Variants in ZNF425 observed in about 807,000 individuals in gnomAD.
ZNF425 encodes zinc finger protein 425.
Under a neutral mutation model 17.0 loss-of-function variants are expected in ZNF425, and 21 were observed. That is an observed-to-expected ratio of 1.23 (90% CI 0.88 to 1.78). The LOEUF is 1.78. ZNF425 is among the 40% of genes most tolerant of loss of function. The pLI is 0.00. For synonymous variants in ZNF425, 433 were observed against 384.1 expected (o/e 1.13, Z -1.49); for missense variants, 868 against 967.3 (o/e 0.90, Z 1.36).
intron 3 of ZNF425, among the ~76,000 whole-genome samples, chr7:149,109,387 T>C (rs1034879564): frequency 6.6e-6 from 1 of 152,164 alleles, no homozygotes; most frequent in African/African-American, 2.4e-5. Context: ...TAGTCTTCTC[T>C]GTTTTCTAAA....
chr7:149,117,845 C>A (rs1207504920), intron 2 of ZNF425, among the ~76,000 whole-genome samples: 1 of 151,642 alleles, frequency 6.6e-6, no homozygotes, highest in Admixed American at 6.6e-5. Flanking sequence ...AGAGACAGGG[C>A]TTCTCCATGT....
At position 149,124,155 on chromosome 7, in the gene ZNF425, CTATT is replaced by C. The variant is rs745503873; in HGVS notation, c.18+2037_18+2040del. On this transcript the variant is annotated intron_variant, in intron 1 of 3. Coordinates refer to ENST00000378061, the MANE Select transcript of ZNF425 (RefSeq NM_001001661.3). ...AGCTACCACGCCTGGCCTGGCCTTG[CTATT>C]TATTTATTTATTTTTGAGATGGAGT... Among the ~76,000 whole-genome samples, 98 of 139,266 alleles carry C rather than the reference CTATT, an allele frequency of 7.0e-4. No individual in the cohort carries two copies. The Middle Eastern group carries it at 0.013, about 19-fold the overall frequency. The allele number at this position is 139,266 out of a possible 152,430, so 91.4% of individuals were successfully genotyped here. A position where few individuals can be genotyped will look rare whatever the true frequency, so the allele number is the denominator to read the frequency against.
chr7:149,125,089 A>G (rs1826436587), intron 1 of ZNF425, among the ~76,000 whole-genome samples: 1 of 152,220 alleles, frequency 6.6e-6, no homozygotes, highest in Non-Finnish European at 1.5e-5. Context: ...AGAGAAAAAA[A>G]GAAAGCCTGG....
intron 1 of ZNF425, 94 bp from the exon 2 acceptor site, chr7:149,118,442 T>C (rs995975608): frequency 2.1e-6 from 3 of 1,420,938 alleles, no homozygotes; most frequent in African/African-American, 2.8e-5. Flanking sequence ...AAAGAAAACA[T>C]GTTAATTATT....
chr7:149,123,841 CTTT>C (rs11301508), intron 1 of ZNF425, among the ~76,000 whole-genome samples: 6 of 128,152 alleles, frequency 4.7e-5, no homozygotes, highest in African/African-American at 1.4e-4. Context: ...CTTGCTTTTT[CTTT>C]TTTTTTTTTT....
chr7:149,125,190 C>A (rs1478243464), intron 1 of ZNF425, among the ~76,000 whole-genome samples: 1 of 152,160 alleles, frequency 6.6e-6, no homozygotes, highest in Non-Finnish European at 1.5e-5. Context: ...AGGGAAGAAT[C>A]AAATGCAAAT....
At chr7:149,115,414 G>A (rs906569598) in intron 2 of ZNF425, among the ~76,000 whole-genome samples, 1 of 151,786 alleles carries the variant, frequency 6.6e-6, no homozygotes, top group Non-Finnish European at 1.5e-5. Flanking sequence ...AGTACTTTGG[G>A]AGGCTGAGGC....
rs202083188 is a variant in ZNF425, at chr7:149,104,413, G to A, written c.1458C>T (p.Ala486=). The change falls in exon 4 of 4, where the codon GCC becomes GCT. Residue 486 remains alanine (A), a synonymous_variant. Transcript: ENST00000378061. The surrounding 1 kb of genome is among the most constrained non-coding windows in gnomAD (Gnocchi z 4.3). ...GCCTGTCGTGGACTCTGGTGTGGCAGGCGAGCTTGGAAGGCCGCGTGAAGC... is the reference window on the plus strand; with the variant it reads ...GCCTGTCGTGGACTCTGGTGTGGCAAGCGAGCTTGGAAGGCCGCGTGAAGC... The part of the protein sequence containing the change: ...GKRFTRPSKL[A]CHTRVHDRQK... 45 of 1,603,668 alleles carry A rather than the reference G, an allele frequency of 2.8e-5. 1 individual carries two copies. In the South Asian group the frequency reaches 4.2e-4, roughly 15 times the overall value.
chr7:149,126,297 G>T lies in ZNF425; in HGVS notation c.-84C>A. ...CCAACTCCCAGGTACAGCCCTGCTG[G>T]CCCCCAAAGGCAGAGCCGGCCGGGC... On this transcript the variant is annotated 5_prime_UTR_variant, in exon 1 of 4. Transcript: ENST00000378061. The T allele has an allele frequency of 1.3e-6, 2 of 1,526,036 alleles. No individual in the cohort carries two copies. The highest frequency in any genetic ancestry group is 1.2e-5 in the South Asian group (1 of 82,034). The allele number at this position is 1,526,036 out of a possible 1,614,324, so 94.5% of individuals were successfully genotyped here. A position where few individuals can be genotyped will look rare whatever the true frequency, so the allele number is the denominator to read the frequency against.
In ZNF425 at chr7:149,108,922, C is replaced by T. The variant is rs184961097; in HGVS notation, c.304+3215G>A. Reference sequence around the variant, plus strand: ...AAAATAAAAATCTTCCCAAGCTCCTCCCATTCTATAGGATGAAGTCAAACT... The same window carrying T: ...AAAATAAAAATCTTCCCAAGCTCCTTCCATTCTATAGGATGAAGTCAAACT... On this transcript the variant is annotated intron_variant, in intron 3 of 3. Coordinates refer to ENST00000378061, the MANE Select transcript of ZNF425 (RefSeq NM_001001661.3). 2.4e-3 allele frequency among the ~76,000 whole-genome samples: 365 copies of T among 152,108 alleles called. 2 individuals carry two copies. Among genetic ancestry groups the T allele is most frequent in the Non-Finnish European group, 2.9e-3 (197 of 67,984 alleles).
Position 149,103,767 on chromosome 7 carries a change from C to T in ZNF425, c.2104G>A (p.Gly702Ser). 6.2e-7 allele frequency: 1 copy of T among 1,614,154 alleles called. No homozygotes were observed. Among genetic ancestry groups the T allele is most frequent in the Non-Finnish European group, 8.5e-7 (1 of 1,180,034 alleles). Reference protein sequence around the residue: ...RPFQCPECGKGFLQKRSLKAH... With the variant: ...RPFQCPECGKSFLQKRSLKAH... The stretch of plus-strand genomic sequence containing the variant: ...TTCAGGCTTCTCTTCTGGAGGAAGC[C>T]TTTGCCACACTCGGGACACTGGAAG... The change falls in exon 4 of 4, where the codon GGC becomes AGC. Residue 702 changes from glycine to serine, a missense_variant. Coordinates refer to ENST00000378061, the MANE Select transcript of ZNF425 (RefSeq NM_001001661.3).
At chr7:149,121,985 G>A (rs910804344) in intron 1 of ZNF425, among the ~76,000 whole-genome samples, 13 of 151,934 alleles carry the variant, frequency 8.6e-5, no homozygotes, top group East Asian at 3.9e-4. Context: ...GTGCAATCGC[G>A]GCTCACTGCA....
chr7:149,116,186 C>A (rs934816868), intron 2 of ZNF425, among the ~76,000 whole-genome samples: 1 of 152,166 alleles, frequency 6.6e-6, no homozygotes, highest in Admixed American at 6.6e-5. Flanking sequence ...TGATCCCAAA[C>A]CAGCCCCATA....
In ZNF425 at chr7:149,117,642, C is replaced by CTTTTTTTTTTT. The variant is rs869026303; in HGVS notation, c.145+569_145+579dup. Among the ~76,000 whole-genome samples, 8 of 54,984 alleles carry CTTTTTTTTTTT rather than the reference C, an allele frequency of 1.5e-4. 1 individual carries two copies. The highest frequency in any genetic ancestry group is 2.3e-4 in the African/African-American group (3 of 13,118). The allele number at this position is 54,984 out of a possible 152,430, so 36.1% of individuals were successfully genotyped here. A position where few individuals can be genotyped will look rare whatever the true frequency, so the allele number is the denominator to read the frequency against. ...GGGGCAATTAGATTACTTAGTAATT[C>CTTTTTTTTTTT]TTTTTTTTTTTTTTTTTTTTTTTTT... On this transcript the variant is annotated intron_variant, in intron 2 of 3. Coordinates refer to ENST00000378061, the MANE Select transcript of ZNF425 (RefSeq NM_001001661.3).
chr7:149,114,782 G>GT (rs1177647849), intron 2 of ZNF425, among the ~76,000 whole-genome samples: 2 of 138,438 alleles, frequency 1.4e-5, no homozygotes, highest in Non-Finnish European at 3.1e-5. Flanking sequence ...AACACTGTGA[G>GT]TAAAAAAAAA....
chr7:149,105,793 G>A (rs557585495), intron 3 of ZNF425, among the ~76,000 whole-genome samples: 23 of 152,010 alleles, frequency 1.5e-4, no homozygotes, highest in African/African-American at 4.8e-4. Context: ...TGGGACGACA[G>A]GCGCCCGCCA....
intron 2 of ZNF425, among the ~76,000 whole-genome samples, chr7:149,112,973 C>CTTT (rs35291501): frequency 0.011 from 1,381 of 123,932 alleles, 47 homozygotes; most frequent in African/African-American, 0.043. Context: ...CCCCGTGACC[C>CTTT]TTTTTTTTTT....
intron 1 of ZNF425, among the ~76,000 whole-genome samples, chr7:149,119,693 A>T (rs73160350): frequency 0.078 from 11,868 of 152,186 alleles, 664 homozygotes; most frequent in Non-Finnish European, 0.12. Context: ...AGGTGGGAAG[A>T]CTGCTTGAGC....
At position 149,104,980 on chromosome 7, in the gene ZNF425, G is replaced by A. The variant is rs777120036; in HGVS notation, c.891C>T (p.Arg297=). The part of the protein sequence containing the change: ...ANLKKHLCLH[R]GERPFCCGEC... Reference sequence around the variant, plus strand: ...CCCCGCAGCAGAACGGCCGCTCCCCGCGGTGTAGACACAGGTGCTTCTTCA... The same window carrying A: ...CCCCGCAGCAGAACGGCCGCTCCCCACGGTGTAGACACAGGTGCTTCTTCA... Residue 297 remains arginine, a synonymous_variant, in exon 4 of 4, where the codon CGC becomes CGT. Coordinates refer to ENST00000378061, the MANE Select transcript of ZNF425 (RefSeq NM_001001661.3). This position sits in a 1 kb window ranked among gnomAD's most constrained non-coding sequence, Gnocchi z 4.3. The A allele has an allele frequency of 8.7e-6, 14 of 1,614,042 alleles. No homozygotes were observed. Among genetic ancestry groups the A allele is most frequent in the Middle Eastern group, 1.6e-4 (1 of 6,084 alleles).
Sources: allele counts gnomAD v4.1 joint callset (sites outside exome capture counted in the v4.1 genomes callset), GRCh38; gene constraint gnomAD v4.1.1; non-coding constraint Gnocchi (gnomAD v3.1); transcripts MANE v1.5; gene names NCBI Gene and HGNC (gene_info 2026-07-23, HGNC 2026-07-21).